Variants in SLC35A5 observed in about 807,000 individuals in gnomAD.
SLC35A5 encodes solute carrier family 35 member A5, also known as UDP-sugar transporter protein SLC35A5.
SLC35A5 carries 28 observed loss-of-function variants against 36.3 expected under a neutral mutation model. That is an observed-to-expected ratio of 0.77 (90% CI 0.57 to 1.06). The LOEUF is 1.06. Ranked by LOEUF, SLC35A5 falls within the 50% of genes least tolerant of loss-of-function variation. SLC35A5 has a pLI of 0.00. For missense variants in SLC35A5, 521 were observed against 499.3 expected (o/e 1.04, Z -0.41); for synonymous variants, 180 against 173.7 (o/e 1.04, Z -0.29).
chr3:112,576,651 C>T (rs541478984), intron 5 of SLC35A5, among the ~76,000 whole-genome samples: 1 of 152,174 alleles, frequency 6.6e-6, no homozygotes, highest in South Asian at 2.1e-4. Flanking sequence ...CAGTATTTGT[C>T]TTTTGGGACT....
chr3:112,564,699 G>A (rs1934113927), intron 2 of SLC35A5, among the ~76,000 whole-genome samples: 1 of 152,204 alleles, frequency 6.6e-6, no homozygotes, highest in Non-Finnish European at 1.5e-5. Flanking sequence ...ATCACATGGG[G>A]AGAAACCTTG....
intron 2 of SLC35A5, among the ~76,000 whole-genome samples, chr3:112,565,474 A>G (rs1934152627): frequency 6.6e-6 from 1 of 152,194 alleles, no homozygotes; most frequent in African/African-American, 2.4e-5. Context: ...TGAAATTACC[A>G]AGCAAAAAGT....
upstream of SLC35A5, chr3:112,561,944 C>T (rs1018486625): frequency 4.6e-5 from 10 of 216,312 alleles, no homozygotes; most frequent in Admixed American, 3.2e-4. Context: ...GCGCCGCCAC[C>T]GGGGCCTCAC....
At chr3:112,578,519 T>C (rs1934761310) in intron 5 of SLC35A5, among the ~76,000 whole-genome samples, 1 of 152,202 alleles carries the variant, frequency 6.6e-6, no homozygotes, top group Non-Finnish European at 1.5e-5. Flanking sequence ...TCCACTGTTT[T>C]GTATCAGTTA....
chr3:112,567,628 C>T lies in SLC35A5; in HGVS notation c.131-1543C>T, dbSNP rs1934258340. Reference sequence around the variant, plus strand: ...CTAGAAGGGAGGGTTTTAAAGGGGACATTGGATTAATAGTCGGGCCTTAGC... The same window carrying T: ...CTAGAAGGGAGGGTTTTAAAGGGGATATTGGATTAATAGTCGGGCCTTAGC... On this transcript the variant is annotated intron_variant, in intron 2 of 6. Transcript: ENST00000492406. 2.0e-5 allele frequency among the ~76,000 whole-genome samples: 3 copies of T among 152,292 alleles called. 1 individual carries two copies. In the South Asian group the frequency reaches 6.2e-4, roughly 32 times the overall value.
intron 5 of SLC35A5, among the ~76,000 whole-genome samples, chr3:112,578,484 A>G (rs1476829613): frequency 6.6e-6 from 1 of 152,180 alleles, no homozygotes; most frequent in South Asian, 2.1e-4. Flanking sequence ...TTACCGAGGC[A>G]GTGGAGAGAT....
intron 5 of SLC35A5, among the ~76,000 whole-genome samples, chr3:112,578,350 C>T (rs1934754904): frequency 6.6e-6 from 1 of 152,198 alleles, no homozygotes; most frequent in East Asian, 1.9e-4. Context: ...AGTGAGGTCA[C>T]CTGGCAAAAA....
intron 5 of SLC35A5, among the ~76,000 whole-genome samples, chr3:112,577,852 A>G (rs947124644): frequency 3.9e-5 from 6 of 152,192 alleles, no homozygotes; most frequent in Admixed American, 3.9e-4. Flanking sequence ...CTCATTATAA[A>G]TCTGCCCCTT....
chr3:112,572,419 G>A (rs778256877), intron 4 of SLC35A5, among the ~76,000 whole-genome samples: 4 of 152,148 alleles, frequency 2.6e-5, no homozygotes, highest in Non-Finnish European at 4.4e-5. Flanking sequence ...TTGCTAATAA[G>A]TGTCCAGTCC....
At chr3:112,576,179 G>A (rs532248534) in intron 5 of SLC35A5, among the ~76,000 whole-genome samples, 149 of 151,916 alleles carry the variant, frequency 9.8e-4, no homozygotes, top group African/African-American at 3.4e-3. Flanking sequence ...CCAGGCTGGA[G>A]TGCAGGGTTG....
At chr3:112,562,428 C>G (rs922718164) in intron 1 of SLC35A5, among the ~76,000 whole-genome samples, 155 bp downstream of exon 1, 1 of 152,184 alleles carries the variant, frequency 6.6e-6, no homozygotes, top group Non-Finnish European at 1.5e-5. Flanking sequence ...TGTAGGCGTG[C>G]GCCCAATGGG....
In SLC35A5 at chr3:112,564,645, G is replaced by A. The variant is rs928464062; in HGVS notation, c.130+1112G>A. Among the ~76,000 whole-genome samples, 5 of 152,194 alleles carry A rather than the reference G, an allele frequency of 3.3e-5. No individual in the cohort carries two copies. In the South Asian group the frequency reaches 6.2e-4, roughly 19 times the overall value. On this transcript the variant is annotated intron_variant, in intron 2 of 6. Transcript: ENST00000492406. ...GACCCTTTACAGGTGTCGGGCTGGG[G>A]GACGGTCAGGTCTTTCCCTTCCCAC...
intron 4 of SLC35A5, among the ~76,000 whole-genome samples, chr3:112,572,658 A>G (rs1010291126): frequency 1.3e-5 from 2 of 152,216 alleles, no homozygotes; most frequent in African/African-American, 4.8e-5. Context: ...TATCTTACAG[A>G]ATAAAACACA....
chr3:112,579,545 G>A (rs892634149), intron 5 of SLC35A5, among the ~76,000 whole-genome samples: 1 of 151,810 alleles, frequency 6.6e-6, no homozygotes, highest in Non-Finnish European at 1.5e-5. Context: ...TGTTGCCTTT[G>A]CATAGAGACT....
intron 4 of SLC35A5, among the ~76,000 whole-genome samples, chr3:112,571,535 G>A (rs182917940): frequency 6.6e-6 from 1 of 152,312 alleles, no homozygotes; most frequent in Admixed American, 6.5e-5. Flanking sequence ...AGATAGAACT[G>A]TATTAGCCTG....
At chr3:112,569,627 A>T (rs952692344) in intron 3 of SLC35A5, among the ~76,000 whole-genome samples, 1 of 152,160 alleles carries the variant, frequency 6.6e-6, no homozygotes, top group Non-Finnish European at 1.5e-5. Context: ...AATAGTTCCC[A>T]TTTCCTGCAG....
Position 112,583,071 on chromosome 3 carries a change from CAT to C in SLC35A5, c.*337_*338del, listed in dbSNP as rs372199474. The C allele has an allele frequency of 1.3e-4, 52 of 404,558 alleles. 1 individual carries two copies. The South Asian group carries it at 4.2e-3, about 33-fold the overall frequency. 25.1% of individuals were successfully genotyped at this position (404,558 alleles called of 1,614,324 possible). A position where few individuals can be genotyped will look rare whatever the true frequency, so the allele number is the denominator to read the frequency against. ...ATGTTAGCTATAGCTTGTATATACA[CAT>C]AGAGATCAATTTGCCAAATATTCAC... On this transcript the variant is annotated 3_prime_UTR_variant, in exon 7 of 7. Transcript: ENST00000492406.
At chr3:112,566,656 GA>G (rs1245964131) in intron 2 of SLC35A5, among the ~76,000 whole-genome samples, 1 of 152,164 alleles carries the variant, frequency 6.6e-6, no homozygotes, top group Non-Finnish European at 1.5e-5. Flanking sequence ...GCAACATCAT[GA>G]TAAGCTAAAG....
rs904245292 is a variant in SLC35A5 at position 112,585,106 on chromosome 3, T to TCGCAG, written c.*2371_*2375dup. The TCGCAG allele has an allele frequency of 2.0e-5, 3 of 150,812 alleles. No homozygotes were observed. Among genetic ancestry groups the TCGCAG allele is most frequent in the Non-Finnish European group, 4.4e-5 (3 of 68,044 alleles). 9.3% of individuals were successfully genotyped at this position (150,812 alleles called of 1,614,324 possible). The stretch of plus-strand genomic sequence containing the variant: ...TATAAAGAAAAGGGGTTTAAATGAC[T>TCGCAG]CGCAGTTCTGCATGGCTGGGGAGGA... On this transcript the variant is annotated 3_prime_UTR_variant, in exon 7 of 7. Coordinates refer to ENST00000492406, the MANE Select transcript of SLC35A5 (RefSeq NM_017945.5).
Sources: allele counts gnomAD v4.1 joint callset (sites outside exome capture counted in the v4.1 genomes callset), GRCh38; gene constraint gnomAD v4.1.1; transcripts MANE v1.5; gene names NCBI Gene and HGNC (gene_info 2026-07-23, HGNC 2026-07-21).